RIMS2: variants seen among roughly 807,000 people sequenced by gnomAD.
RIMS2 encodes the protein regulating synaptic membrane exocytosis 2, also known as regulating synaptic membrane exocytosis protein 2.
A neutral mutation model predicts 174.4 loss-of-function variants in RIMS2; 59 were observed. The observed-to-expected ratio is 0.34, with a 90% CI of 0.27 to 0.42. RIMS2 has a LOEUF of 0.42. Among genes scored for constraint, RIMS2 ranks in the 10% least tolerant of loss-of-function variants. The pLI is 1.00. For missense variants in RIMS2, 1,620 were observed against 1,666.3 expected (o/e 0.97, Z 0.48); for synonymous variants, 606 against 572.5 (o/e 1.06, Z -0.84).
chr8:103,676,443 C>T (rs943850876), intron 1 of RIMS2, among the ~76,000 whole-genome samples: 1 of 152,140 alleles, frequency 6.6e-6, no homozygotes, highest in African/African-American at 2.4e-5. Context: ...TACCTGAGGG[C>T]CTACCTTTTA....
chr8:104,193,897 C>G (rs1256926646), intron 19 of RIMS2, among the ~76,000 whole-genome samples: 1 of 152,066 alleles, frequency 6.6e-6, no homozygotes, highest in African/African-American at 2.4e-5. Flanking sequence ...TGAATCGAGA[C>G]ATTATAAAAT....
At chr8:104,042,629 T>C (rs1230309273) in intron 19 of RIMS2, among the ~76,000 whole-genome samples, 3 of 151,672 alleles carry the variant, frequency 2.0e-5, no homozygotes, top group African/African-American at 7.2e-5. Flanking sequence ...TGATTTCAGG[T>C]GACTGAAATG....
intron 9 of RIMS2, chr8:103,920,602 A>G: frequency 2.2e-6 from 1 of 455,674 alleles, no homozygotes; most frequent in Non-Finnish European, 4.4e-6. Context: ...CTGTACTTCC[A>G]CATACCTGCT....
At position 103,580,271 on chromosome 8, in the gene RIMS2, CTA is replaced by C. The variant is rs375807841; in HGVS notation, c.176+79211_176+79212del. Among the ~76,000 whole-genome samples the C allele has an allele frequency of 1.7e-4, 26 of 152,142 alleles. No individual in the cohort carries two copies. The East Asian group carries it at 4.7e-3, about 27-fold the overall frequency. On this transcript the variant is annotated intron_variant, in intron 1 of 23. Transcript: ENST00000504942. The stretch of plus-strand genomic sequence containing the variant: ...ATAGCTAAAGAAACAACAACCAACT[CTA>C]TGTTTCTTACCAAAAACCCACCTCA...
intron 1 of RIMS2, among the ~76,000 whole-genome samples, chr8:103,507,076 C>A (rs1013135956): frequency 1.3e-5 from 2 of 152,074 alleles, no homozygotes; most frequent in Non-Finnish European, 2.9e-5. Context: ...ACCCAGAGAA[C>A]CGTATTAGGT....
intron 1 of RIMS2, among the ~76,000 whole-genome samples, chr8:103,603,001 TA>T (rs1348976268): frequency 1.3e-5 from 2 of 152,164 alleles, no homozygotes; most frequent in Non-Finnish European, 2.9e-5. Context: ...TTTTATTTTT[TA>T]TTTTTTTATT....
intron 19 of RIMS2, among the ~76,000 whole-genome samples, chr8:104,229,463 T>C (rs1358105886): frequency 6.6e-6 from 1 of 152,182 alleles, no homozygotes; most frequent in East Asian, 1.9e-4. Flanking sequence ...AGGGTATTTA[T>C]TGTAATGTAA....
chr8:103,994,213 A>T (rs896767306), intron 17 of RIMS2, among the ~76,000 whole-genome samples: 1 of 152,094 alleles, frequency 6.6e-6, no homozygotes, highest in African/African-American at 2.4e-5. Flanking sequence ...GGCTAATTTC[A>T]TATAGTGGAA....
chr8:104,100,143 T>G (rs1169686178), intron 19 of RIMS2, among the ~76,000 whole-genome samples: 1 of 152,122 alleles, frequency 6.6e-6, no homozygotes, highest in African/African-American at 2.4e-5. Context: ...TGCAATGATG[T>G]TTTGTAGTTT....
Position 104,108,507 on chromosome 8 carries a change from C to T in RIMS2, c.3334+93892C>T, listed in dbSNP as rs190658778. ...TAGAGATGGGATTTTGCTGCGTGCC[C>T]AGGCTGGTCTCAAACTCCTGTCCTC... is the stretch of plus-strand genomic sequence containing the variant. On this transcript the variant is annotated intron_variant, in intron 19 of 23. Coordinates refer to ENST00000504942, the Ensembl canonical transcript of RIMS2. Among the ~76,000 whole-genome samples, 158 of 152,050 alleles carry T rather than the reference C, an allele frequency of 1.0e-3. 1 individual carries two copies. The East Asian group carries it at 0.021, about 20-fold the overall frequency.
chr8:103,529,966 T>A (rs957738108), intron 1 of RIMS2, among the ~76,000 whole-genome samples: 2 of 152,158 alleles, frequency 1.3e-5, no homozygotes, highest in Non-Finnish European at 2.9e-5. Context: ...GTTCTTCAGT[T>A]AGAAGGAAAA....
intron 17 of RIMS2, among the ~76,000 whole-genome samples, chr8:103,994,650 G>T (rs1343001728): frequency 6.6e-6 from 1 of 152,100 alleles, no homozygotes; most frequent in African/African-American, 2.4e-5. Context: ...TATGGCTGTG[G>T]ACCTTAGGTA....
intron 3 of RIMS2, among the ~76,000 whole-genome samples, chr8:103,866,091 T>G (rs995399550): frequency 6.6e-6 from 1 of 152,182 alleles, no homozygotes; most frequent in Non-Finnish European, 1.5e-5. Context: ...AACAGTAATA[T>G]TTTTAAAATG....
intron 19 of RIMS2, among the ~76,000 whole-genome samples, chr8:104,087,654 T>C (rs1225979962): frequency 6.6e-6 from 1 of 152,052 alleles, no homozygotes; most frequent in Non-Finnish European, 1.5e-5. Context: ...CTCATAAGGT[T>C]TGGGAGAACT....
At chr8:103,503,058 G>C (rs549299758) in intron 1 of RIMS2, among the ~76,000 whole-genome samples, 1 of 151,880 alleles carries the variant, frequency 6.6e-6, no homozygotes, top group South Asian at 2.1e-4. Context: ...AGTTTAGATA[G>C]AAACAAATGT....
intron 1 of RIMS2, among the ~76,000 whole-genome samples, chr8:103,534,558 AGTACGTATTT>A (rs1838910687): frequency 6.6e-6 from 1 of 152,178 alleles, no homozygotes; most frequent in South Asian, 2.1e-4. Flanking sequence ...GTTTGATATC[AGTACGTATTT>A]GTATTTCCTA....
chr8:104,227,998 A>G (rs2099199090), intron 19 of RIMS2, among the ~76,000 whole-genome samples: 1 of 151,636 alleles, frequency 6.6e-6, no homozygotes, highest in African/African-American at 2.4e-5. Context: ...TATTTAACTC[A>G]GCCTCACTCT....
At chr8:103,530,930 A>G (rs1010683513) in intron 1 of RIMS2, among the ~76,000 whole-genome samples, 1 of 151,884 alleles carries the variant, frequency 6.6e-6, no homozygotes. Flanking sequence ...AATGACCTTA[A>G]CTTTTATGGT....
chr8:103,608,854 G>A lies in RIMS2; in HGVS notation c.177-88232G>A, dbSNP rs191377551. On this transcript the variant is annotated intron_variant, in intron 1 of 23. Transcript: ENST00000504942. ...AATGCCTCGCCCTGCTTTGGCTCGC[G>A]CACGGTGCACGCACCCACTGACCTG... is the stretch of plus-strand genomic sequence containing the variant. Among the ~76,000 whole-genome samples the A allele has an allele frequency of 7.7e-3, 1,179 of 152,276 alleles. 18 individuals carry two copies. The highest frequency in any genetic ancestry group is 0.049 in the South Asian group (235 of 4,826).
Sources: gnomAD v4.1 joint callset for allele counts (sites outside exome capture counted in the v4.1 genomes callset) on GRCh38, gnomAD v4.1.1 for gene constraint, MANE v1.5 for transcripts, NCBI Gene and HGNC (gene_info 2026-07-23, HGNC 2026-07-21) for gene names.